Variants in RPSA2 observed in about 807,000 individuals in gnomAD.
RPSA2 encodes the protein small ribosomal subunit protein uS2B.
the RPSA2 span, among the ~76,000 whole-genome samples, chr19:23,793,069 A>G: frequency 2.0e-5 from 3 of 152,232 alleles, no homozygotes; most frequent in Non-Finnish European, 4.4e-5. Flanking sequence ...AGCTTGATTA[A>G]GAAGTATTTT....
chr19:23,811,889 C>G, the RPSA2 span, among the ~76,000 whole-genome samples: 1 of 151,972 alleles, frequency 6.6e-6, no homozygotes, highest in African/African-American at 2.4e-5. Context: ...AAAAAATTGT[C>G]AGTAGTTTCT....
chr19:23,862,896 C>CT, the RPSA2 span, among the ~76,000 whole-genome samples: 3,590 of 142,704 alleles, frequency 0.025, 116 homozygotes, highest in East Asian at 0.093. Context: ...TTCTTTCTTT[C>CT]TTTTTTTTTT....
chr19:23,812,388 CTTT>C, the RPSA2 span, among the ~76,000 whole-genome samples: 25 of 114,182 alleles, frequency 2.2e-4, 1 homozygote, highest in Non-Finnish European at 4.2e-4. Context: ...CTCTTTTTCT[CTTT>C]TTTTTTTTTT....
chr19:23,871,118 G>T, the RPSA2 span, among the ~76,000 whole-genome samples: 1 of 152,286 alleles, frequency 6.6e-6, no homozygotes, highest in East Asian at 1.9e-4. Context: ...CAGGGCCCTT[G>T]TTCACTAGAA....
the RPSA2 span, among the ~76,000 whole-genome samples, chr19:23,797,359 C>T: frequency 0.98 from 148,220 of 151,720 alleles, 72,505 homozygotes; most frequent in Middle Eastern, 1. Flanking sequence ...CTGCCTGCCT[C>T]GGCCTCCCAA....
At chr19:23,812,362 T>C in the RPSA2 span, among the ~76,000 whole-genome samples, 1 of 151,422 alleles carries the variant, frequency 6.6e-6, no homozygotes, top group Admixed American at 6.6e-5. Flanking sequence ...TTGTATATAT[T>C]CTTTCTTAGC....
chr19:23,827,494 G>T, the RPSA2 span: 1 of 1,595,912 alleles, frequency 6.3e-7, no homozygotes, highest in Non-Finnish European at 8.5e-7. Flanking sequence ...TCACTAACCA[G>T]ATCCAGGCAG....
the RPSA2 span, among the ~76,000 whole-genome samples, chr19:23,853,402 A>T: frequency 6.6e-6 from 1 of 152,238 alleles, no homozygotes; most frequent in Non-Finnish European, 1.5e-5. Context: ...GGGGGAAAGA[A>T]GATTCCACAT....
At chr19:23,807,615 T>C in the RPSA2 span, among the ~76,000 whole-genome samples, 2 of 150,512 alleles carry the variant, frequency 1.3e-5, no homozygotes, top group African/African-American at 4.9e-5. Context: ...ATATATACAC[T>C]GATGTTGTGG....
At chr19:23,829,856 G>A in the RPSA2 span, among the ~76,000 whole-genome samples, 94 of 152,048 alleles carry the variant, frequency 6.2e-4, no homozygotes, top group Non-Finnish European at 9.6e-4. Context: ...TGTTTTCTGC[G>A]TCACTAGGAT....
the RPSA2 span, among the ~76,000 whole-genome samples, chr19:23,837,085 G>T: frequency 6.6e-6 from 1 of 152,064 alleles, no homozygotes; most frequent in African/African-American, 2.4e-5. Flanking sequence ...TTTTTTCAAT[G>T]TTAGCTTCCA....
chr19:23,854,025 C>T, the RPSA2 span, among the ~76,000 whole-genome samples: 574 of 152,236 alleles, frequency 3.8e-3, 1 homozygote, highest in Middle Eastern at 0.017. Context: ...ATCCAATAAG[C>T]GGCTTTTTCA....
chr19:23,799,203 T>C, the RPSA2 span: 1 of 152,244 alleles, frequency 6.6e-6, no homozygotes, highest in African/African-American at 2.4e-5. Context: ...CTTCTTTTTT[T>C]TCTCTCAATA....
the RPSA2 span, among the ~76,000 whole-genome samples, chr19:23,761,821 C>T: frequency 3.3e-5 from 5 of 151,670 alleles, no homozygotes; most frequent in African/African-American, 7.3e-5. Flanking sequence ...AGCGTAGTCA[C>T]GGCACAATTA....
At chr19:23,847,061 CT>C in the RPSA2 span, among the ~76,000 whole-genome samples, 1 of 151,934 alleles carries the variant, frequency 6.6e-6, no homozygotes, top group African/African-American at 2.4e-5. Flanking sequence ...TTTCATTTCT[CT>C]CCTTATTTTT....
the RPSA2 span, among the ~76,000 whole-genome samples, chr19:23,846,414 T>G: frequency 6.6e-6 from 1 of 152,304 alleles, no homozygotes; most frequent in East Asian, 1.9e-4. Flanking sequence ...TTAATAAAAT[T>G]ATGTCCTATT....
At chr19:23,823,128 A>G in the RPSA2 span, among the ~76,000 whole-genome samples, 3 of 152,198 alleles carry the variant, frequency 2.0e-5, no homozygotes, top group African/African-American at 7.2e-5. Flanking sequence ...AAAGAGGGCC[A>G]TTGTATTTCA....
At chr19:23,851,849 C>T in the RPSA2 span, among the ~76,000 whole-genome samples, 4 of 152,110 alleles carry the variant, frequency 2.6e-5, no homozygotes, top group Non-Finnish European at 5.9e-5. Flanking sequence ...AAATGATTGT[C>T]AATAACGCTG....
chr19:23,840,956 C>T, the RPSA2 span, among the ~76,000 whole-genome samples: 5 of 91,890 alleles, frequency 5.4e-5, no homozygotes, highest in African/African-American at 2.1e-4. Flanking sequence ...CAACAAAACT[C>T]CGTCTCAAAA....
Sources: allele counts gnomAD v4.1 joint callset (sites outside exome capture counted in the v4.1 genomes callset), GRCh38; gene constraint gnomAD v4.1.1; transcripts MANE v1.5; gene names NCBI Gene and HGNC (gene_info 2026-07-23, HGNC 2026-07-21).